The following LTBP1 variants were observed in gnomAD, a reference collection of about 807,000 sequenced individuals.
LTBP1 encodes latent transforming growth factor beta binding protein 1.
In LTBP1, 129 loss-of-function variants were observed where a neutral mutation model predicts 207.6. The observed-to-expected ratio is 0.62, with a 90% CI of 0.54 to 0.72. The LOEUF (loss-of-function observed/expected upper bound fraction) is 0.72, where lower values mean the gene tolerates loss of function less well. Ranked by LOEUF, LTBP1 falls within the 30% of genes least tolerant of loss-of-function variation. LTBP1 has a pLI of 0.00. For synonymous variants in LTBP1, 963 were observed against 833.7 expected, an observed-to-expected ratio of 1.16 and a Z score of -2.67; for missense variants, 2,281 against 2,217.2, an observed-to-expected ratio of 1.03 and a Z score of -0.58.
rs2077105109 is a variant in LTBP1, at chr2:33,058,278, CATT to C, written c.863+37079_863+37081del. On this transcript the variant is annotated intron_variant, in intron 3 of 33. Coordinates refer to ENST00000404816, the MANE Select transcript of LTBP1 (RefSeq NM_206943.4). ...AGCATTAAAATTCAATTATTAATTA[CATT>C]ATTATTTCAACTAATTTTGCAAAAG... Among the ~76,000 whole-genome samples, 4 of 152,212 alleles carry C rather than the reference CATT, an allele frequency of 2.6e-5. No homozygotes were observed. The South Asian group carries it at 8.3e-4, about 32-fold the overall frequency.
At chr2:33,382,741 A>G (rs535107649) in intron 31 of LTBP1, among the ~76,000 whole-genome samples, 161 of 152,350 alleles carry the variant, frequency 1.1e-3, no homozygotes, top group Non-Finnish European at 2.0e-3. Context: ...AGACCAAGAA[A>G]CTAGGAAGTG....
intron 2 of LTBP1, among the ~76,000 whole-genome samples, chr2:32,971,431 C>A (rs754064225): frequency 3.3e-5 from 5 of 151,968 alleles, no homozygotes; most frequent in African/African-American, 1.2e-4. Flanking sequence ...GTGGGTTTGT[C>A]GTAGATGGCC....
intron 2 of LTBP1, among the ~76,000 whole-genome samples, chr2:32,958,125 A>G (rs554714357): frequency 2.6e-5 from 4 of 152,178 alleles, no homozygotes; most frequent in African/African-American, 9.6e-5. Context: ...CGGAGCTCCT[A>G]ATTGACCTTA....
chr2:33,126,450 T>C (rs2081439786), intron 4 of LTBP1, among the ~76,000 whole-genome samples: 1 of 152,070 alleles, frequency 6.6e-6, no homozygotes, highest in Admixed American at 6.6e-5. Context: ...AAGATAGAAG[T>C]ATCAGGGAAT....
intron 3 of LTBP1, among the ~76,000 whole-genome samples, chr2:33,054,224 G>A (rs1053180075): frequency 1.3e-5 from 2 of 152,168 alleles, no homozygotes; most frequent in African/African-American, 2.4e-5. Flanking sequence ...CTGACCGTTC[G>A]GTTTTTGTAC....
chr2:33,245,589 T>C (rs817535), intron 10 of LTBP1, among the ~76,000 whole-genome samples: 78,246 of 151,990 alleles, frequency 0.51, 20,715 homozygotes, highest in East Asian at 0.89. Flanking sequence ...GTGGTAAAAT[T>C]AGACCATAAA....
chr2:33,367,636 G>A (rs1442359058), intron 31 of LTBP1, among the ~76,000 whole-genome samples: 1 of 152,142 alleles, frequency 6.6e-6, no homozygotes, highest in Non-Finnish European at 1.5e-5. Context: ...ATTTCAATTA[G>A]GATAGTGACC....
intron 19 of LTBP1, among the ~76,000 whole-genome samples, chr2:33,283,876 C>G (rs1297331599): frequency 6.6e-6 from 1 of 152,088 alleles, no homozygotes; most frequent in Non-Finnish European, 1.5e-5. Context: ...TTTTCTAACT[C>G]TCCTCTCACT....
At chr2:33,375,743 C>G (rs1452249311) in intron 31 of LTBP1, among the ~76,000 whole-genome samples, 1 of 149,646 alleles carries the variant, frequency 6.7e-6, no homozygotes, top group Admixed American at 6.7e-5. Context: ...GGGGTTTCAC[C>G]ATGTTAGCCA....
At chr2:33,262,655 A>T (rs1389582073) in intron 13 of LTBP1, 67 bp from the exon 14 acceptor site, 2 of 789,538 alleles carry the variant, frequency 2.5e-6, no homozygotes, top group Admixed American at 2.6e-5. Context: ...TATGTGGGAA[A>T]CTAAAAATAA....
chr2:33,255,410 G>A (rs1388110843), intron 11 of LTBP1, among the ~76,000 whole-genome samples: 3 of 152,026 alleles, frequency 2.0e-5, no homozygotes, highest in African/African-American at 7.2e-5. Flanking sequence ...CAACCATTGT[G>A]GAAGTCAGTG....
chr2:33,381,728 AC>A (rs2095216562), intron 31 of LTBP1, among the ~76,000 whole-genome samples: 1 of 152,188 alleles, frequency 6.6e-6, no homozygotes, highest in Non-Finnish European at 1.5e-5. Context: ...CTAAGTGCTT[AC>A]CTGATGCTTA....
At chr2:33,386,493 A>G (rs2095266452) in intron 31 of LTBP1, among the ~76,000 whole-genome samples, 2 of 152,218 alleles carry the variant, frequency 1.3e-5, no homozygotes, top group South Asian at 4.1e-4. Context: ...AACAGGCATC[A>G]GCAGGATGCT....
chr2:33,342,877 AC>A lies in LTBP1; in HGVS notation c.3771del (p.His1257GlnfsTer31), dbSNP rs767221234. On this transcript the variant is annotated frameshift_variant, in exon 25 of 34. Transcript: ENST00000404816. LOFTEE classifies it high-confidence loss of function. ...GTAAACAACACTGTTTGTGACAGTC[AC>A]GGGTTTTGTGACAATACAGCTGGCT... ...ECVNNTVCDSHGFCDNTAGSF... is the reference protein window; with the variant it reads ...ECVNNTVCDSXGFCDNTAGSF... The A allele has an allele frequency of 3.1e-6, 5 of 1,614,130 alleles. No individual in the cohort carries two copies. The highest frequency in any genetic ancestry group is 4.2e-6 in the Non-Finnish European group (5 of 1,179,974).
chr2:33,179,922 G>T (rs74773164), intron 5 of LTBP1, among the ~76,000 whole-genome samples: 3 of 152,174 alleles, frequency 2.0e-5, no homozygotes, highest in Non-Finnish European at 2.9e-5. Context: ...AATCGGGCCT[G>T]TGTCTGTATC....
At chr2:33,083,706 A>G (rs924405416) in intron 3 of LTBP1, among the ~76,000 whole-genome samples, 2 of 152,210 alleles carry the variant, frequency 1.3e-5, no homozygotes, top group Non-Finnish European at 2.9e-5. Context: ...AAGCCATATT[A>G]CCAAACTCTT....
intron 7 of LTBP1, among the ~76,000 whole-genome samples, chr2:33,205,324 G>A (rs1317663862): frequency 6.6e-6 from 1 of 152,038 alleles, no homozygotes; most frequent in African/African-American, 2.4e-5. Flanking sequence ...TTTGTGCCTC[G>A]TTTCTCTTCC....
chr2:33,361,023 T>C (rs1390199685), intron 27 of LTBP1, among the ~76,000 whole-genome samples: 1 of 152,250 alleles, frequency 6.6e-6, no homozygotes, highest in African/African-American at 2.4e-5. Context: ...AATTCAGTTT[T>C]ATTCCACTTT....
chr2:33,076,737 A>G (rs1353938042), intron 3 of LTBP1, among the ~76,000 whole-genome samples: 1 of 151,972 alleles, frequency 6.6e-6, no homozygotes, highest in East Asian at 1.9e-4. Context: ...GGGTTTCACC[A>G]TGTTGGCCAG....
Sources: allele counts gnomAD v4.1 joint callset (sites outside exome capture counted in the v4.1 genomes callset), GRCh38; gene constraint gnomAD v4.1.1; transcripts MANE v1.5; gene names NCBI Gene and HGNC (gene_info 2026-07-23, HGNC 2026-07-21).